The following RSAD2 variants were observed in gnomAD, a reference collection of about 807,000 sequenced individuals.
RSAD2 encodes S-adenosylmethionine-dependent nucleotide dehydratase RSAD2.
In RSAD2, 38 loss-of-function variants were observed where a neutral mutation model predicts 37.7. That is an observed-to-expected ratio of 1.01 (90% CI 0.78 to 1.32). RSAD2 has a LOEUF of 1.32. Among genes scored for constraint, RSAD2 ranks in the 40% most tolerant of loss-of-function variants. The probability of loss-of-function intolerance (pLI) is 0.00; values close to 1 mark genes in which losing one functional copy is unlikely to be tolerated. For synonymous variants in RSAD2, 163 were observed against 157.4 expected (o/e 1.04, Z -0.27); for missense variants, 428 against 437.5 (o/e 0.98, Z 0.19).
At chr2:6,878,891 G>C (rs1663342114) in intron 1 of RSAD2, 9 of 1,175,360 alleles carry the variant, frequency 7.7e-6, no homozygotes, top group Middle Eastern at 2.3e-4. Context: ...TTTAACAAAA[G>C]CATAGCATAC....
At chr2:6,868,842 G>A (rs1663153976) in intron 1 of RSAD2, among the ~76,000 whole-genome samples, 1 of 152,172 alleles carries the variant, frequency 6.6e-6, no homozygotes, top group Non-Finnish European at 1.5e-5. Flanking sequence ...CATGATTGCT[G>A]TTGGGCCAAA....
At chr2:6,873,144 G>A (rs1663228648), upstream of RSAD2, among the ~76,000 whole-genome samples, 1 of 152,046 alleles carries the variant, frequency 6.6e-6, no homozygotes, top group Non-Finnish European at 1.5e-5. Context: ...TGCTGTCATG[G>A]CCTGATGCTA....
intron 4 of RSAD2, among the ~76,000 whole-genome samples, chr2:6,893,258 CA>C (rs1000379159): frequency 2.0e-5 from 3 of 151,210 alleles, no homozygotes; most frequent in East Asian, 3.9e-4. Flanking sequence ...CCTTTAGCTC[CA>C]AAAAAATAGC....
intron 1 of RSAD2, chr2:6,866,379 T>C: frequency 3.2e-6 from 3 of 928,782 alleles, no homozygotes; most frequent in Non-Finnish European, 2.6e-6. Context: ...TTATCTCACC[T>C]GTGCACTCAC....
At position 6,896,108 on chromosome 2, in the gene RSAD2, G is replaced by A. The variant is rs1663770055; in HGVS notation, c.*166G>A. On this transcript the variant is annotated 3_prime_UTR_variant, in exon 6 of 6. Transcript: ENST00000382040. ...GGTCACTGAACACACGAATAACTTG[G>A]ATAGCAAATCCTGAGACAATGGAAA... 2 of 548,664 alleles carry A rather than the reference G, an allele frequency of 3.6e-6. No homozygotes were observed. Among genetic ancestry groups the A allele is most frequent in the African/African-American group, 3.7e-5 (2 of 53,396 alleles). 34.0% of individuals were successfully genotyped at this position (548,664 alleles called of 1,614,324 possible). A position where few individuals can be genotyped will look rare whatever the true frequency, so the allele number is the denominator to read the frequency against.
chr2:6,882,585 T>C (rs575747232), intron 1 of RSAD2, among the ~76,000 whole-genome samples: 4 of 152,118 alleles, frequency 2.6e-5, no homozygotes, highest in African/African-American at 9.6e-5. Flanking sequence ...AGACAAGGGG[T>C]GAATAAGCAA....
upstream of RSAD2, among the ~76,000 whole-genome samples, chr2:6,874,546 G>GT (rs572852166): frequency 2.0e-4 from 30 of 152,132 alleles, no homozygotes; most frequent in East Asian, 5.4e-3. Flanking sequence ...CACGATTATT[G>GT]TTTTAAATTC....
At position 6,896,118 on chromosome 2, in the gene RSAD2, C is replaced by T; in HGVS notation, c.*176C>T. ...CACACGAATAACTTGGATAGCAAAT[C>T]CTGAGACAATGGAAAACCATTAACT... On this transcript the variant is annotated 3_prime_UTR_variant, in exon 6 of 6. Coordinates refer to ENST00000382040, the MANE Select transcript of RSAD2 (RefSeq NM_080657.5). The T allele has an allele frequency of 1.9e-6, 1 of 531,924 alleles. No homozygotes were observed. Among genetic ancestry groups the T allele is most frequent in the East Asian group, 2.9e-5 (1 of 34,572 alleles). The allele number at this position is 531,924 out of a possible 1,614,324, so 33.0% of individuals were successfully genotyped here. A position where few individuals can be genotyped will look rare whatever the true frequency, so the allele number is the denominator to read the frequency against.
At chr2:6,884,726 T>A (rs1663481620) in intron 2 of RSAD2, among the ~76,000 whole-genome samples, 1 of 152,122 alleles carries the variant, frequency 6.6e-6, no homozygotes, top group African/African-American at 2.4e-5. Context: ...TAGGAAAGCA[T>A]GAAGACTGTG....
Position 6,865,920 on chromosome 2 carries a change from GC to G in RSAD2, c.19del (p.Arg7GlyfsTer30). ...CGCCGCGAGATGTGCGCGATAAACG[GC>G]CGGCGCTCGGGAGCAGACGCTTGGC... On this transcript the variant is annotated frameshift_variant, in exon 1 of 6. Coordinates refer to the RSAD2 transcript ENST00000442639. LOFTEE classifies it high-confidence loss of function. 7.1e-7 allele frequency: 1 copy of G among 1,398,862 alleles called. No individual in the cohort carries two copies. The highest frequency in any genetic ancestry group is 1.4e-5 in the South Asian group (1 of 73,720). The allele number at this position is 1,398,862 out of a possible 1,614,324, so 86.7% of individuals were successfully genotyped here.
intron 3 of RSAD2, 148 bp from the exon 4 acceptor site, chr2:6,890,028 T>G: frequency 1.5e-6 from 1 of 647,040 alleles, no homozygotes; most frequent in Non-Finnish European, 2.5e-6. Context: ...TAGCTTTCAT[T>G]TCCCCAAAGT....
At chr2:6,888,755 T>C (rs1215358214) in intron 3 of RSAD2, among the ~76,000 whole-genome samples, 4 of 152,216 alleles carry the variant, frequency 2.6e-5, no homozygotes, top group Non-Finnish European at 5.9e-5. Context: ...AAAACCAGAT[T>C]ATTGATGTAT....
chr2:6,892,823 A>C (rs1215528000), intron 4 of RSAD2, among the ~76,000 whole-genome samples: 1 of 152,242 alleles, frequency 6.6e-6, no homozygotes, highest in South Asian at 2.1e-4. Context: ...TGCTGGCCCC[A>C]GGGATGGGTC....
chr2:6,870,534 T>TC (rs1406515901), intron 1 of RSAD2, among the ~76,000 whole-genome samples: 4 of 152,146 alleles, frequency 2.6e-5, no homozygotes, highest in Non-Finnish European at 5.9e-5. Context: ...GACTATTTTT[T>TC]CCCCCATAGG....
At position 6,887,169 on chromosome 2, in the gene RSAD2, G is replaced by A. The variant is rs1663539729; in HGVS notation, c.738+5G>A. 6.2e-7 allele frequency: 1 copy of A among 1,604,062 alleles called. No individual in the cohort carries two copies. The highest frequency in any genetic ancestry group is 8.5e-7 in the Non-Finnish European group (1 of 1,172,196). On this transcript the variant is annotated splice_donor_5th_base_variant and intron_variant, in intron 3 of 5. Transcript: ENST00000382040. ...CTAAACCCTGTCCGCTGGAAAGTAA[G>A]TACACAAGGTCGCTTTTGCTGATTT...
In RSAD2 at chr2:6,887,174, C is replaced by T. The variant is rs889919992; in HGVS notation, c.738+10C>T. On this transcript the variant is annotated intron_variant, in intron 3 of 5. Coordinates refer to ENST00000382040, the MANE Select transcript of RSAD2 (RefSeq NM_080657.5). ...CCCTGTCCGCTGGAAAGTAAGTACACAAGGTCGCTTTTGCTGATTTCCTTC... is the reference window on the plus strand; with the variant it reads ...CCCTGTCCGCTGGAAAGTAAGTACATAAGGTCGCTTTTGCTGATTTCCTTC... 51 of 1,601,014 alleles carry T rather than the reference C, an allele frequency of 3.2e-5. No individual in the cohort carries two copies. Among genetic ancestry groups the T allele is most frequent in the Non-Finnish European group, 4.1e-5 (48 of 1,169,176 alleles).
chr2:6,896,829 G>A lies in RSAD2; in HGVS notation c.*887G>A, dbSNP rs940590390. 1.3e-5 allele frequency: 2 copies of A among 152,190 alleles called. No individual in the cohort carries two copies. The highest frequency in any genetic ancestry group is 2.9e-5 in the Non-Finnish European group (2 of 68,054). The allele number at this position is 152,190 out of a possible 1,614,324, so 9.4% of individuals were successfully genotyped here. On this transcript the variant is annotated 3_prime_UTR_variant, in exon 6 of 6. Coordinates refer to ENST00000382040, the MANE Select transcript of RSAD2 (RefSeq NM_080657.5). ...ATGATGGAGTTGACATGGAGGCAGT[G>A]CTTGCATTGCTTTGTTCGCCTATCA... is the stretch of plus-strand genomic sequence containing the variant.
chr2:6,872,895 G>A (rs1663223955), upstream of RSAD2, among the ~76,000 whole-genome samples: 1 of 152,122 alleles, frequency 6.6e-6, no homozygotes, highest in African/African-American at 2.4e-5. Context: ...ATTGCAAGAG[G>A]TTTTAATTTT....
chr2:6,894,926 G>T (rs557670165), intron 5 of RSAD2, among the ~76,000 whole-genome samples: 2 of 152,332 alleles, frequency 1.3e-5, no homozygotes, highest in South Asian at 4.1e-4. Context: ...TATTATGATT[G>T]TCTAGTGATT....
Sources: allele counts gnomAD v4.1 joint callset (sites outside exome capture counted in the v4.1 genomes callset), GRCh38; gene constraint gnomAD v4.1.1; transcripts MANE v1.5; gene names NCBI Gene and HGNC (gene_info 2026-07-23, HGNC 2026-07-21).